Variants in PRKG1 observed in about 807,000 individuals in gnomAD.
The protein encoded by PRKG1 is cGMP-dependent protein kinase 1.
In PRKG1, 35 loss-of-function variants were observed where a neutral mutation model predicts 88.1. That is an observed-to-expected ratio of 0.40 (90% CI 0.30 to 0.53). The LOEUF (loss-of-function observed/expected upper bound fraction) is 0.53. Ranked by LOEUF, PRKG1 falls within the 20% of genes least tolerant of loss-of-function variation. The pLI, the probability that PRKG1 is intolerant of heterozygous loss-of-function variation, is 0.59. For synonymous variants in PRKG1, 303 were observed against 292.5 expected (o/e 1.04, Z -0.37); for missense variants, 540 against 839.8 (o/e 0.64, Z 4.41).
At chr10:51,890,982 C>A (rs1442021658) in intron 4 of PRKG1, among the ~76,000 whole-genome samples, 1 of 152,090 alleles carries the variant, frequency 6.6e-6, no homozygotes, top group Non-Finnish European at 1.5e-5. Context: ...TATATTAGGG[C>A]TAGGTGGGGT....
chr10:51,840,572 G>A (rs1840248445), intron 4 of PRKG1, among the ~76,000 whole-genome samples: 1 of 149,922 alleles, frequency 6.7e-6, no homozygotes, highest in African/African-American at 2.5e-5. Flanking sequence ...TTGAGACAAA[G>A]TCTCCCTTTT....
At chr10:52,226,697 T>G (rs1367259783) in intron 9 of PRKG1, among the ~76,000 whole-genome samples, 1 of 152,120 alleles carries the variant, frequency 6.6e-6, no homozygotes, top group East Asian at 1.9e-4. Context: ...AATGCCATTT[T>G]CATTTCCCAG....
At chr10:51,114,324 A>ATTTTG (rs753031426) in intron 1 of PRKG1, among the ~76,000 whole-genome samples, 61 of 152,052 alleles carry the variant, frequency 4.0e-4, no homozygotes, top group Admixed American at 9.2e-4. Context: ...TCATTGATAT[A>ATTTTG]TTTTGTTTTG....
chr10:52,012,323 C>T (rs1162358380), intron 5 of PRKG1, among the ~76,000 whole-genome samples: 2 of 150,878 alleles, frequency 1.3e-5, no homozygotes, highest in Admixed American at 6.6e-5. Flanking sequence ...CTCACTGCAA[C>T]CTCCACCTCC....
chr10:51,209,927 A>G (rs77326050), intron 2 of PRKG1, among the ~76,000 whole-genome samples: 3,062 of 152,234 alleles, frequency 0.02, 45 homozygotes, highest in Middle Eastern at 0.051. Flanking sequence ...ATTGCTTGAG[A>G]GCAGTGGAAG....
At chr10:51,420,046 G>A (rs915438423) in intron 2 of PRKG1, among the ~76,000 whole-genome samples, 1 of 152,104 alleles carries the variant, frequency 6.6e-6, no homozygotes, top group Non-Finnish European at 1.5e-5. Flanking sequence ...TTGGGGGGCA[G>A]GTCTGGAAGA....
intron 2 of PRKG1, among the ~76,000 whole-genome samples, chr10:51,424,004 C>T (rs894531446): frequency 3.3e-5 from 5 of 152,010 alleles, no homozygotes; most frequent in Non-Finnish European, 5.9e-5. Context: ...CCATGCTTTC[C>T]AAAAATAATA....
At chr10:52,291,417 C>T (rs1334166268) in intron 17 of PRKG1, among the ~76,000 whole-genome samples, 2 of 121,884 alleles carry the variant, frequency 1.6e-5, no homozygotes, top group Non-Finnish European at 1.7e-5. Flanking sequence ...CCCCCCACCC[C>T]ACAACAGTCC....
chr10:51,427,696 C>T (rs1328643171), intron 2 of PRKG1, among the ~76,000 whole-genome samples: 1 of 152,164 alleles, frequency 6.6e-6, no homozygotes. Context: ...GTGTGATCCA[C>T]GTACCAGCAG....
chr10:51,926,835 G>A (rs7088553), intron 5 of PRKG1, among the ~76,000 whole-genome samples: 6,984 of 143,208 alleles, frequency 0.049, 547 homozygotes, highest in African/African-American at 0.17. Flanking sequence ...AAAACCTCAC[G>A]ATCAGCAATT....
At chr10:51,017,187 G>A (rs1056652398) in intron 1 of PRKG1, among the ~76,000 whole-genome samples, 18 of 151,982 alleles carry the variant, frequency 1.2e-4, no homozygotes, top group Non-Finnish European at 2.5e-4. Flanking sequence ...CACTTCCTGG[G>A]AATCCCTCTT....
At chr10:51,566,467 G>A (rs966253974) in intron 3 of PRKG1, among the ~76,000 whole-genome samples, 1 of 151,990 alleles carries the variant, frequency 6.6e-6, no homozygotes, top group Non-Finnish European at 1.5e-5. Flanking sequence ...GAGAACCAGT[G>A]GGCAAAATTT....
At chr10:51,087,598 T>C (rs1844285079) in intron 1 of PRKG1, among the ~76,000 whole-genome samples, 1 of 152,236 alleles carries the variant, frequency 6.6e-6, no homozygotes, top group Admixed American at 6.5e-5. Context: ...AAGTCTCTTG[T>C]GCAGTTTTGT....
chr10:52,053,090 A>C lies in PRKG1; in HGVS notation c.763-1394A>C, dbSNP rs895131137. On this transcript the variant is annotated intron_variant, in intron 5 of 17. Transcript: ENST00000373980. ...GCATTCTATAATATTATTTTTATTTAGAAATAATTATTTGTATTCATGTGT... is the reference window on the plus strand; with the variant it reads ...GCATTCTATAATATTATTTTTATTTCGAAATAATTATTTGTATTCATGTGT... Among the ~76,000 whole-genome samples the C allele has an allele frequency of 8.5e-5, 13 of 152,206 alleles. 1 individual carries two copies. Among genetic ancestry groups the C allele is most frequent in the Admixed American group, 6.5e-5 (1 of 15,282 alleles).
intron 2 of PRKG1, among the ~76,000 whole-genome samples, chr10:51,291,019 C>CT (rs1284342013): frequency 6.6e-6 from 1 of 152,076 alleles, no homozygotes; most frequent in Non-Finnish European, 1.5e-5. Flanking sequence ...TCTTTGTATA[C>CT]GTAATAAAAA....
At chr10:51,751,530 G>A (rs1837725877) in intron 3 of PRKG1, among the ~76,000 whole-genome samples, 1 of 152,104 alleles carries the variant, frequency 6.6e-6, no homozygotes, top group Admixed American at 6.5e-5. Context: ...ACCTGATGGG[G>A]TACAACTGAA....
At chr10:51,287,748 A>G (rs1840479630) in intron 2 of PRKG1, among the ~76,000 whole-genome samples, 1 of 152,264 alleles carries the variant, frequency 6.6e-6, no homozygotes, top group East Asian at 1.9e-4. Flanking sequence ...GCTGAGATAC[A>G]TATATATCTA....
intron 1 of PRKG1, among the ~76,000 whole-genome samples, chr10:51,050,965 C>G (rs1589123868): frequency 6.6e-6 from 1 of 152,032 alleles, no homozygotes; most frequent in Non-Finnish European, 1.5e-5. Flanking sequence ...AGAAATGTCT[C>G]TTCAAGTCCT....
At chr10:51,316,893 A>C (rs1841336345) in intron 2 of PRKG1, among the ~76,000 whole-genome samples, 1 of 152,132 alleles carries the variant, frequency 6.6e-6, no homozygotes, top group Admixed American at 6.5e-5. Context: ...GAGATATTGT[A>C]CAAAAATGAG....
Sources: allele counts gnomAD v4.1 joint callset (sites outside exome capture counted in the v4.1 genomes callset), GRCh38; gene constraint gnomAD v4.1.1; transcripts MANE v1.5; gene names NCBI Gene and HGNC (gene_info 2026-07-23, HGNC 2026-07-21).